HTR1F: variants seen among roughly 807,000 people sequenced by gnomAD.
HTR1F encodes the protein 5-hydroxytryptamine (serotonin) receptor 1F, G protein-coupled.
In HTR1F, 17 loss-of-function variants were observed where a neutral mutation model predicts 24.0. That is an observed-to-expected ratio of 0.71 (90% confidence interval 0.48 to 1.06). The LOEUF is 1.06. Ranked by LOEUF, HTR1F falls within the 50% of genes least tolerant of loss-of-function variation. HTR1F has a pLI of 0.00. For missense variants in HTR1F, 391 were observed against 427.8 expected (o/e 0.91, Z 0.76); for synonymous variants, 186 against 156.8 (o/e 1.19, Z -1.39).
At chr3:87,919,823 A>G (rs1229203787) in intron 2 of HTR1F, among the ~76,000 whole-genome samples, 1 of 151,988 alleles carries the variant, frequency 6.6e-6, no homozygotes, top group Non-Finnish European at 1.5e-5. Flanking sequence ...TTCCTTAAAG[A>G]ACTAAAAGTA....
intron 1 of HTR1F, among the ~76,000 whole-genome samples, chr3:87,803,000 T>C (rs78321688): frequency 0.022 from 3,350 of 152,192 alleles, 125 homozygotes; most frequent in African/African-American, 0.074. Flanking sequence ...ATCTTAGTAA[T>C]TCTGGTTGAA....
At chr3:87,854,754 T>G (rs186860705) in intron 2 of HTR1F, among the ~76,000 whole-genome samples, 152 of 152,196 alleles carry the variant, frequency 1.0e-3, no homozygotes, top group African/African-American at 3.5e-3. Context: ...ACTGGTATAC[T>G]CTTTTTGCAT....
chr3:87,989,668 T>C (rs1197430036), intron 2 of HTR1F, among the ~76,000 whole-genome samples: 1 of 152,168 alleles, frequency 6.6e-6, no homozygotes, highest in Non-Finnish European at 1.5e-5. Context: ...TTCAATTAAG[T>C]ACAAAATTAT....
At chr3:87,964,170 T>C (rs1032175898) in intron 2 of HTR1F, among the ~76,000 whole-genome samples, 1 of 152,144 alleles carries the variant, frequency 6.6e-6, no homozygotes, top group Non-Finnish European at 1.5e-5. Flanking sequence ...ACTTAAGGAT[T>C]TGGATTAACT....
intron 2 of HTR1F, among the ~76,000 whole-genome samples, chr3:87,823,513 C>CAT (rs1193453594): frequency 2.3e-5 from 3 of 128,532 alleles, no homozygotes; most frequent in African/African-American, 1.2e-4. Flanking sequence ...CAACTGGTCC[C>CAT]ATATTTTTTT....
intron 2 of HTR1F, among the ~76,000 whole-genome samples, chr3:87,882,321 A>T (rs759636598): frequency 2.0e-5 from 3 of 152,156 alleles, no homozygotes; most frequent in Non-Finnish European, 2.9e-5. Flanking sequence ...GATCTAGAAC[A>T]AGAAATACCA....
chr3:87,959,833 A>G (rs1705023511), intron 2 of HTR1F, among the ~76,000 whole-genome samples: 1 of 151,238 alleles, frequency 6.6e-6, no homozygotes, highest in South Asian at 2.1e-4. Context: ...TAACTTAACT[A>G]GTGAAGTAAG....
chr3:87,835,861 T>C (rs1704672510), intron 2 of HTR1F, among the ~76,000 whole-genome samples: 1 of 152,178 alleles, frequency 6.6e-6, no homozygotes, highest in African/African-American at 2.4e-5. Flanking sequence ...CTGTACCCTC[T>C]GGGTCTGCAC....
At chr3:87,848,994 G>T (rs1362391847) in intron 2 of HTR1F, among the ~76,000 whole-genome samples, 1 of 151,610 alleles carries the variant, frequency 6.6e-6, no homozygotes, top group East Asian at 1.9e-4. Flanking sequence ...CATGCTCATG[G>T]GTAGGAAGAA....
chr3:87,793,936 C>T (rs1413347313), intron 1 of HTR1F, among the ~76,000 whole-genome samples: 2 of 143,406 alleles, frequency 1.4e-5, no homozygotes, highest in African/African-American at 5.3e-5. Context: ...ATAATTATTA[C>T]AATTTGATTA....
At chr3:87,900,495 G>A (rs375280264) in intron 2 of HTR1F, among the ~76,000 whole-genome samples, 3 of 152,136 alleles carry the variant, frequency 2.0e-5, no homozygotes, top group African/African-American at 7.2e-5. Context: ...CAATGGAGGG[G>A]CATGATCTGA....
chr3:87,931,868 A>G (rs1011274523), intron 2 of HTR1F, among the ~76,000 whole-genome samples: 4 of 150,192 alleles, frequency 2.7e-5, no homozygotes, highest in African/African-American at 5.0e-5. Flanking sequence ...GTCTGTTCAT[A>G]TCCTTTGCCC....
chr3:87,989,482 C>T (rs1705769491), intron 2 of HTR1F, among the ~76,000 whole-genome samples: 1 of 152,168 alleles, frequency 6.6e-6, no homozygotes, highest in Non-Finnish European at 1.5e-5. Flanking sequence ...CTTATATCCA[C>T]AAAGACAAGT....
chr3:87,829,215 G>A (rs763268882), intron 2 of HTR1F, among the ~76,000 whole-genome samples: 5 of 152,094 alleles, frequency 3.3e-5, no homozygotes, highest in Non-Finnish European at 7.4e-5. Flanking sequence ...CTGCCTGTTT[G>A]CTGCACCTCA....
At position 87,793,836 on chromosome 3, in the gene HTR1F, G is replaced by GTAATA. The variant is rs534407212; in HGVS notation, c.-160+997_-160+1001dup. 4.4e-3 allele frequency among the ~76,000 whole-genome samples: 663 copies of GTAATA among 152,158 alleles called. 6 individuals carry two copies. The highest frequency in any genetic ancestry group is 0.014 in the African/African-American group (597 of 41,516). On this transcript the variant is annotated intron_variant, in intron 1 of 2. Transcript: ENST00000319595. Reference sequence around the variant, plus strand: ...TTACTTCCCAGGCACCTTGACGATCGTAATATAGTTAAGATGATTTGTTAG... The same window carrying GTAATA: ...TTACTTCCCAGGCACCTTGACGATCGTAATATAATATAGTTAAGATGATTTGTTAG...
chr3:87,973,103 G>A (rs781475522), intron 2 of HTR1F, among the ~76,000 whole-genome samples: 11 of 152,162 alleles, frequency 7.2e-5, no homozygotes, highest in South Asian at 2.1e-4. Flanking sequence ...CCCGGGAGGC[G>A]GAGGTTGCAG....
intron 2 of HTR1F, among the ~76,000 whole-genome samples, chr3:87,889,136 G>T (rs1354324): frequency 0.25 from 38,165 of 151,922 alleles, 7,642 homozygotes; most frequent in African/African-American, 0.56. Context: ...TGTAATCTCT[G>T]CACACCCCAG....
chr3:87,991,034 C>A lies in HTR1F; in HGVS notation c.285C>A (p.Val95=), dbSNP rs1236137998. Residue 95 remains valine (V), a synonymous_variant, in exon 3 of 3, where the codon GTC becomes GTA. Coordinates refer to ENST00000319595, the MANE Select transcript of HTR1F (RefSeq NM_001322209.2). ...VRESWIMGQV[V]CDIWLSVDIT... ...AGAGCTGGATTATGGGGCAAGTGGT[C>A]TGTGACATTTGGCTGAGTGTTGACA... The A allele has an allele frequency of 6.2e-7, 1 of 1,614,060 alleles. No homozygotes were observed. Among genetic ancestry groups the A allele is most frequent in the Non-Finnish European group, 8.5e-7 (1 of 1,180,020 alleles).
chr3:87,884,135 C>G (rs1705878421), intron 2 of HTR1F, among the ~76,000 whole-genome samples: 1 of 152,152 alleles, frequency 6.6e-6, no homozygotes, highest in Non-Finnish European at 1.5e-5. Flanking sequence ...ATCAGACTAA[C>G]AGTGGATCTC....
Sources: allele counts gnomAD v4.1 joint callset (sites outside exome capture counted in the v4.1 genomes callset), GRCh38; gene constraint gnomAD v4.1.1; transcripts MANE v1.5; gene names NCBI Gene and HGNC (gene_info 2026-07-23, HGNC 2026-07-21).